PKHD1: variants seen among roughly 807,000 people sequenced by gnomAD.
PKHD1 encodes PKHD1 ciliary IPT domain containing fibrocystin/polyductin, also known as fibrocystin.
In PKHD1, 291 loss-of-function variants were observed where a neutral mutation model predicts 412.0. The ratio of observed to expected loss-of-function variants is 0.71; its 90% CI spans 0.64 to 0.78. PKHD1 has a LOEUF of 0.78. PKHD1 is among the 30% of genes least tolerant of loss of function. The pLI, the probability that PKHD1 is intolerant of heterozygous loss-of-function variation, is 0.00. For synonymous variants in PKHD1, 1,777 were observed against 1,821.5 expected, an observed-to-expected ratio of 0.98 and a Z score of 0.62; for missense variants, 4,825 against 4,950.7, an observed-to-expected ratio of 0.97 and a Z score of 0.76.
At chr6:51,947,832 C>G (rs7744199) in intron 36 of PKHD1, among the ~76,000 whole-genome samples, 23,405 of 152,050 alleles carry the variant, frequency 0.15, 2,039 homozygotes, top group Non-Finnish European at 0.2. Flanking sequence ...ATTCACATAC[C>G]CAACTGCCTA....
intron 35 of PKHD1, among the ~76,000 whole-genome samples, chr6:51,976,387 A>T (rs1420331865): frequency 6.6e-6 from 1 of 152,228 alleles, no homozygotes; most frequent in Non-Finnish European, 1.5e-5. Flanking sequence ...GAAATAAACC[A>T]AACACAAAAG....
chr6:51,946,355 G>A (rs536030517), intron 36 of PKHD1, among the ~76,000 whole-genome samples: 2 of 152,298 alleles, frequency 1.3e-5, no homozygotes, highest in African/African-American at 4.8e-5. Flanking sequence ...AAAGTTTGAT[G>A]AGGAATTCAG....
intron 64 of PKHD1, among the ~76,000 whole-genome samples, chr6:51,633,269 TGA>T (rs1157103663): frequency 6.6e-6 from 1 of 152,176 alleles, no homozygotes; most frequent in Non-Finnish European, 1.5e-5. Flanking sequence ...AGCATCCTGT[TGA>T]GAGAGTTCAA....
At chr6:52,031,704 T>G (rs1474602248) in intron 29 of PKHD1, among the ~76,000 whole-genome samples, 1 of 152,184 alleles carries the variant, frequency 6.6e-6, no homozygotes, top group African/African-American at 2.4e-5. Flanking sequence ...ACGGTCATCA[T>G]CAACATCATC....
intron 13 of PKHD1, among the ~76,000 whole-genome samples, chr6:52,063,959 A>ACT (rs1470796904): frequency 2.6e-5 from 4 of 151,936 alleles, no homozygotes; most frequent in Non-Finnish European, 5.9e-5. Flanking sequence ...AAGGGAGCAG[A>ACT]CTCTCTATTT....
At chr6:51,808,730 A>T (rs928280493) in intron 52 of PKHD1, among the ~76,000 whole-genome samples, 2 of 152,018 alleles carry the variant, frequency 1.3e-5, no homozygotes, top group African/African-American at 4.8e-5. Flanking sequence ...TTTTATCTTC[A>T]TATTTGCAAT....
chr6:51,835,695 A>G (rs1769085376), intron 51 of PKHD1, among the ~76,000 whole-genome samples: 1 of 152,178 alleles, frequency 6.6e-6, no homozygotes, highest in Non-Finnish European at 1.5e-5. Context: ...TGGAGTAGTA[A>G]CCTTCAGGAT....
chr6:51,616,502 CT>C lies in PKHD1; in HGVS notation c.*2578del, dbSNP rs1342576467. ...AATGAACATAGAGCTGCTCTCTTTGCTTTTGGTGTTTCCCTAATTCTCTCAT... is the reference window on the plus strand; with the variant it reads ...AATGAACATAGAGCTGCTCTCTTTGCTTTGGTGTTTCCCTAATTCTCTCAT... On this transcript the variant is annotated 3_prime_UTR_variant, in exon 67 of 67. Transcript: ENST00000371117. The C allele has an allele frequency of 7.7e-6, 3 of 391,226 alleles. No individual in the cohort carries two copies. Among genetic ancestry groups the C allele is most frequent in the Non-Finnish European group, 1.3e-5 (3 of 222,382 alleles). The allele number at this position is 391,226 out of a possible 1,614,324, so 24.2% of individuals were successfully genotyped here.
rs1425169095 is a variant in PKHD1 at position 51,616,626 on chromosome 6, A to T, written c.*2455T>A. The T allele has an allele frequency of 2.5e-6, 1 of 397,538 alleles. No individual in the cohort carries two copies. The highest frequency in any genetic ancestry group is 4.4e-6 in the Non-Finnish European group (1 of 225,794). 24.6% of individuals were successfully genotyped at this position (397,538 alleles called of 1,614,324 possible). A position where few individuals can be genotyped will look rare whatever the true frequency, so the allele number is the denominator to read the frequency against. On this transcript the variant is annotated 3_prime_UTR_variant, in exon 67 of 67. Coordinates refer to ENST00000371117, the MANE Select transcript of PKHD1 (RefSeq NM_138694.4). ...CCATGCCACATGCTAGAGCCTGGCA[A>T]GTTACTGAAGATGTTTATAGCTGCT...
chr6:51,933,594 A>G (rs1291145252), intron 37 of PKHD1, among the ~76,000 whole-genome samples: 18 of 152,242 alleles, frequency 1.2e-4, no homozygotes, highest in Non-Finnish European at 1.0e-4. Flanking sequence ...ACTCACATAC[A>G]TGAGAGCAGT....
At chr6:51,760,537 G>T (rs1787821706) in intron 55 of PKHD1, among the ~76,000 whole-genome samples, 1 of 152,006 alleles carries the variant, frequency 6.6e-6, no homozygotes, top group African/African-American at 2.4e-5. Context: ...AGGATAAATA[G>T]GAAGTTATAC....
chr6:51,834,099 C>T (rs1768753486), intron 51 of PKHD1, among the ~76,000 whole-genome samples: 1 of 152,124 alleles, frequency 6.6e-6, no homozygotes, highest in African/African-American at 2.4e-5. Flanking sequence ...GGAGGCTAGG[C>T]TTTTGAGAAG....
At chr6:51,825,655 A>G (rs1767176980) in intron 52 of PKHD1, among the ~76,000 whole-genome samples, 1 of 152,102 alleles carries the variant, frequency 6.6e-6, no homozygotes, top group African/African-American at 2.4e-5. Flanking sequence ...CCCAAATTAG[A>G]ACACCTCGGC....
At position 52,048,713 on chromosome 6, in the gene PKHD1, C is replaced by T; in HGVS notation, c.2280-94G>A. The T allele has an allele frequency of 4.1e-6, 6 of 1,475,488 alleles. No individual in the cohort carries two copies. The South Asian group carries it at 7.0e-5, about 17-fold the overall frequency. 91.4% of individuals were successfully genotyped at this position (1,475,488 alleles called of 1,614,324 possible). A position where few individuals can be genotyped will look rare whatever the true frequency, so the allele number is the denominator to read the frequency against. On this transcript the variant is annotated intron_variant, in intron 22 of 66. Transcript: ENST00000371117. ...AGGATGTCCTGTCTTGCTTAGGCTG[C>T]AGCCTTCCAGAAAGAGCTAAGGGAC...
chr6:51,978,412 G>A (rs1158542137), intron 35 of PKHD1, among the ~76,000 whole-genome samples: 1 of 152,114 alleles, frequency 6.6e-6, no homozygotes, highest in African/African-American at 2.4e-5. Flanking sequence ...GTGTTCAAGG[G>A]CTGTCAAAGC....
chr6:51,746,322 G>A (rs932623980), intron 59 of PKHD1, among the ~76,000 whole-genome samples: 1 of 152,266 alleles, frequency 6.6e-6, no homozygotes, highest in Admixed American at 6.5e-5. Flanking sequence ...CTCCAATGAA[G>A]AATGAAGAAT....
chr6:51,632,493 T>A, intron 65 of PKHD1, 72 bp downstream of exon 65: 3 of 1,277,488 alleles, frequency 2.3e-6, no homozygotes, highest in Non-Finnish European at 3.3e-6. Flanking sequence ...AGAAACAGAA[T>A]CATTAATATG....
At chr6:51,630,542 T>C (rs1767801327) in intron 65 of PKHD1, among the ~76,000 whole-genome samples, 1 of 152,168 alleles carries the variant, frequency 6.6e-6, no homozygotes, top group South Asian at 2.1e-4. Flanking sequence ...AACTTCTAAT[T>C]TGGAAATATT....
chr6:51,692,427 T>C (rs151063767), intron 60 of PKHD1, among the ~76,000 whole-genome samples: 5 of 152,304 alleles, frequency 3.3e-5, no homozygotes, highest in African/African-American at 1.2e-4. Flanking sequence ...CCTCTTGCTA[T>C]TCTTCTACCT....
Sources: allele counts gnomAD v4.1 joint callset (sites outside exome capture counted in the v4.1 genomes callset), GRCh38; gene constraint gnomAD v4.1.1; transcripts MANE v1.5; gene names NCBI Gene and HGNC (gene_info 2026-07-23, HGNC 2026-07-21).